FOXP1: variants seen among roughly 807,000 people sequenced by gnomAD.
FOXP1 encodes forkhead box protein P1.
A neutral mutation model predicts 98.2 loss-of-function variants in FOXP1; 15 were observed. That is an observed-to-expected ratio of 0.15 (90% CI 0.10 to 0.24). FOXP1 has a LOEUF of 0.24. FOXP1 is among the 10% of genes least tolerant of loss of function. The pLI, the probability that FOXP1 is intolerant of heterozygous loss-of-function variation, is 1.00. For synonymous variants in FOXP1, 371 were observed against 314.5 expected (o/e 1.18, Z -1.90); for missense variants, 633 against 848.5 (o/e 0.75, Z 3.15).
Position 71,141,773 on chromosome 3 carries a change from T to C in FOXP1, c.181-29136A>G, listed in dbSNP as rs201100161. Among the ~76,000 whole-genome samples the C allele has an allele frequency of 2.4e-4, 36 of 152,088 alleles. No individual in the cohort carries two copies. In the East Asian group the frequency reaches 6.8e-3, roughly 29 times the overall value. Reference sequence around the variant, plus strand: ...AATTAGAGCCACTGTGAAGGAAGCCTCAGCCTTCATTAAAAAAAAGAAAAA... The same window carrying C: ...AATTAGAGCCACTGTGAAGGAAGCCCCAGCCTTCATTAAAAAAAAGAAAAA... On this transcript the variant is annotated intron_variant, in intron 6 of 20. Transcript: ENST00000649528.
At chr3:71,322,257 T>G (rs73839488) in intron 4 of FOXP1, among the ~76,000 whole-genome samples, 3,810 of 152,292 alleles carry the variant, frequency 0.025, 163 homozygotes, top group African/African-American at 0.086. Context: ...ACAGTAGTCA[T>G]TAGCCACATG....
intron 4 of FOXP1, among the ~76,000 whole-genome samples, chr3:71,325,266 G>A (rs1239052731): frequency 1.3e-5 from 2 of 151,874 alleles, no homozygotes; most frequent in Non-Finnish European, 2.9e-5. Context: ...TTGGCCAGGC[G>A]GGTCTCGAAC....
intron 5 of FOXP1, among the ~76,000 whole-genome samples, chr3:71,261,626 G>A (rs1398294425): frequency 1.3e-5 from 2 of 152,036 alleles, no homozygotes; most frequent in East Asian, 3.9e-4. Flanking sequence ...AAGCTCTGTA[G>A]ACTAAAGCTG....
intron 3 of FOXP1, among the ~76,000 whole-genome samples, chr3:71,487,314 C>T (rs1422670997): frequency 6.6e-6 from 1 of 152,206 alleles, no homozygotes; most frequent in African/African-American, 2.4e-5. Flanking sequence ...CCCACCTTGG[C>T]TTCCCAGTGT....
At chr3:71,456,601 G>A (rs563489294) in intron 3 of FOXP1, among the ~76,000 whole-genome samples, 1 of 152,256 alleles carries the variant, frequency 6.6e-6, no homozygotes, top group East Asian at 1.9e-4. Context: ...TCAGGACAAT[G>A]TATTTGTCTT....
intron 3 of FOXP1, among the ~76,000 whole-genome samples, chr3:71,394,811 G>A (rs956694703): frequency 2.0e-5 from 3 of 152,056 alleles, no homozygotes; most frequent in African/African-American, 4.8e-5. Flanking sequence ...CGAAAGAATT[G>A]AACTGGAGGC....
intron 2 of FOXP1, among the ~76,000 whole-genome samples, chr3:71,526,931 C>A (rs1175173210): frequency 3.4e-5 from 5 of 148,708 alleles, no homozygotes; most frequent in African/African-American, 7.5e-5. Flanking sequence ...CACGCCATTG[C>A]ACTCCAGCCT....
At chr3:71,401,356 G>A (rs1477458622) in intron 3 of FOXP1, among the ~76,000 whole-genome samples, 3 of 152,218 alleles carry the variant, frequency 2.0e-5, no homozygotes, top group Admixed American at 2.0e-4. Context: ...AAGAGAGAGA[G>A]AGAGGCAGCT....
At chr3:71,270,061 G>GC (rs1489932343) in intron 5 of FOXP1, among the ~76,000 whole-genome samples, 1 of 152,184 alleles carries the variant, frequency 6.6e-6, no homozygotes, top group Non-Finnish European at 1.5e-5. Context: ...CCGCTCTGAA[G>GC]CCAGCAAAGT....
intron 5 of FOXP1, among the ~76,000 whole-genome samples, chr3:71,210,600 T>C (rs969803175): frequency 6.6e-6 from 1 of 152,136 alleles, no homozygotes; most frequent in Non-Finnish European, 1.5e-5. Flanking sequence ...GCTCAACTGA[T>C]TGATGATGCA....
intron 3 of FOXP1, among the ~76,000 whole-genome samples, chr3:71,488,133 T>A (rs1178323868): frequency 6.6e-6 from 1 of 152,188 alleles, no homozygotes; most frequent in Non-Finnish European, 1.5e-5. Flanking sequence ...TGAAGTAACA[T>A]GTTTAACATT....
intron 3 of FOXP1, among the ~76,000 whole-genome samples, chr3:71,492,263 C>A (rs2091114128): frequency 6.6e-6 from 1 of 151,952 alleles, no homozygotes; most frequent in African/African-American, 2.4e-5. Context: ...ACCAGCCTGG[C>A]CAATGTGGTG....
At chr3:70,972,359 A>G in intron 18 of FOXP1, 196 bp downstream of exon 18, 1 of 912,958 alleles carries the variant, frequency 1.1e-6, no homozygotes, top group Non-Finnish European at 1.7e-6. Flanking sequence ...ATGTGATGCA[A>G]CAAAGACCAG....
rs2060480382 is a variant in FOXP1, at chr3:71,149,685, C to T, written c.181-37048G>A. Among the ~76,000 whole-genome samples, 3 of 152,066 alleles carry T rather than the reference C, an allele frequency of 2.0e-5. No individual in the cohort carries two copies. In the South Asian group the frequency reaches 6.2e-4, roughly 32 times the overall value. ...CGATAAATACATAGATGAATTATGC[C>T]TCCATCTAATTCAGCTCGTGATGTA... On this transcript the variant is annotated intron_variant, in intron 6 of 20. Coordinates refer to ENST00000649528, the MANE Select transcript of FOXP1 (RefSeq NM_001349338.3).
chr3:71,128,143 C>G (rs2059341412), intron 6 of FOXP1, among the ~76,000 whole-genome samples: 1 of 152,096 alleles, frequency 6.6e-6, no homozygotes, highest in South Asian at 2.1e-4. Flanking sequence ...AGGCACTGTG[C>G]TAGAATCACG....
chr3:71,091,527 C>CA (rs553093199), intron 7 of FOXP1, among the ~76,000 whole-genome samples: 84 of 146,010 alleles, frequency 5.8e-4, no homozygotes, highest in South Asian at 2.2e-3. Context: ...AACAAACAAA[C>CA]AAAAAAAAAA....
At chr3:71,263,947 C>A (rs867238244) in intron 5 of FOXP1, among the ~76,000 whole-genome samples, 1 of 151,208 alleles carries the variant, frequency 6.6e-6, no homozygotes, top group Admixed American at 6.6e-5. Flanking sequence ...GATGAGGTCT[C>A]ACTTTCCTGC....
At chr3:71,079,173 G>A (rs1237776530) in intron 7 of FOXP1, among the ~76,000 whole-genome samples, 1 of 152,046 alleles carries the variant, frequency 6.6e-6, no homozygotes, top group Non-Finnish European at 1.5e-5. Flanking sequence ...GGTGGGACAG[G>A]TGTCTGCCCC....
chr3:71,047,932 G>A (rs1271859273), intron 9 of FOXP1, among the ~76,000 whole-genome samples: 1 of 152,176 alleles, frequency 6.6e-6, no homozygotes, highest in Non-Finnish European at 1.5e-5. Context: ...CCTGTGTTTA[G>A]CAGGCCTTGC....
Sources: gnomAD v4.1 joint callset for allele counts (sites outside exome capture counted in the v4.1 genomes callset) on GRCh38, gnomAD v4.1.1 for gene constraint, MANE v1.5 for transcripts, NCBI Gene and HGNC (gene_info 2026-07-23, HGNC 2026-07-21) for gene names.